The following FAM168B variants were observed in gnomAD, a reference collection of about 807,000 sequenced individuals.
FAM168B encodes the protein family with sequence similarity 168 member B.
In FAM168B, 19 loss-of-function variants were observed where a neutral mutation model predicts 21.8. The observed-to-expected ratio is 0.87, with a 90% CI of 0.61 to 1.28. FAM168B has a LOEUF of 1.28. Ranked by LOEUF, FAM168B falls within the 50% of genes most tolerant of loss-of-function variation. The pLI is 0.00. For missense variants in FAM168B, 233 were observed against 263.1 expected (o/e 0.89, Z 0.79); for synonymous variants, 126 against 104.8 (o/e 1.20, Z -1.24).
chr2:131,080,678 T>A (rs1451010119), intron 2 of FAM168B, among the ~76,000 whole-genome samples: 1 of 146,884 alleles, frequency 6.8e-6, no homozygotes, highest in Non-Finnish European at 1.5e-5. Context: ...AGTAAAAGAA[T>A]TTTTTTTTTG....
At chr2:131,092,880 T>C (rs1694105217) in intron 1 of FAM168B, among the ~76,000 whole-genome samples, 3 of 152,152 alleles carry the variant, frequency 2.0e-5, no homozygotes, top group Non-Finnish European at 4.4e-5. Flanking sequence ...GAAATGACTA[T>C]TGTCACAAAG....
rs1691630646 is a variant in FAM168B at position 131,050,929 on chromosome 2, AC to A, written c.*1535del. 2 of 984,936 alleles carry A rather than the reference AC, an allele frequency of 2.0e-6. No homozygotes were observed. The highest frequency in any genetic ancestry group is 2.4e-6 in the Non-Finnish European group (2 of 829,998). 61.0% of individuals were successfully genotyped at this position (984,936 alleles called of 1,614,324 possible). ...CCCAGGCCTTACATCCCCCACCCCC[AC>A]TCTGACCCTCACTGAGAACCGACAT... On this transcript the variant is annotated 3_prime_UTR_variant, in exon 7 of 7. Coordinates refer to ENST00000389915, the MANE Select transcript of FAM168B (RefSeq NM_001009993.4).
intron 1 of FAM168B, among the ~76,000 whole-genome samples, chr2:131,085,872 A>C (rs1676991817): frequency 6.6e-6 from 1 of 152,236 alleles, no homozygotes; most frequent in Non-Finnish European, 1.5e-5. Flanking sequence ...GCCGCCTGCC[A>C]AGAGTGCTGA....
intron 2 of FAM168B, among the ~76,000 whole-genome samples, chr2:131,077,316 A>C (rs1262349426): frequency 6.6e-6 from 1 of 152,156 alleles, no homozygotes; most frequent in African/African-American, 2.4e-5. Flanking sequence ...TCTTTTCCAG[A>C]AAGAACCTAC....
intron 2 of FAM168B, among the ~76,000 whole-genome samples, chr2:131,082,052 G>A (rs1302759044): frequency 4.6e-5 from 7 of 152,026 alleles, no homozygotes; most frequent in Non-Finnish European, 8.8e-5. Context: ...TATCCATTTC[G>A]CTGCAACCCT....
intron 5 of FAM168B, among the ~76,000 whole-genome samples, chr2:131,053,987 T>G (rs1265519163): frequency 1.3e-5 from 2 of 152,138 alleles, no homozygotes; most frequent in African/African-American, 2.4e-5. Flanking sequence ...GTGGATCACC[T>G]GAGGTCAGGA....
At chr2:131,061,955 T>C (rs1449454704) in intron 3 of FAM168B, among the ~76,000 whole-genome samples, 2 of 152,148 alleles carry the variant, frequency 1.3e-5, no homozygotes, top group African/African-American at 2.4e-5. Flanking sequence ...ATGTTCAATA[T>C]ATACAGCCAA....
At chr2:131,069,291 C>T (rs750244288) in intron 3 of FAM168B, among the ~76,000 whole-genome samples, 2 of 152,200 alleles carry the variant, frequency 1.3e-5, no homozygotes, top group Admixed American at 1.3e-4. Context: ...GAGTAACTTA[C>T]GTTATGGTGG....
chr2:131,053,945 T>C (rs1158035042), intron 5 of FAM168B, among the ~76,000 whole-genome samples: 1 of 152,144 alleles, frequency 6.6e-6, no homozygotes, highest in African/African-American at 2.4e-5. Flanking sequence ...GACTCACGCC[T>C]GTAAGCCCAG....
Position 131,049,368 on chromosome 2 carries a change from T to C in FAM168B, c.*3097A>G. 1 of 985,156 alleles carries C rather than the reference T, an allele frequency of 1.0e-6. No individual in the cohort carries two copies. The highest frequency in any genetic ancestry group is 4.7e-5 in the South Asian group (1 of 21,250). 61.0% of individuals were successfully genotyped at this position (985,156 alleles called of 1,614,324 possible). On this transcript the variant is annotated 3_prime_UTR_variant, in exon 7 of 7. Transcript: ENST00000389915. Reference sequence around the variant, plus strand: ...CACATTTGCATAGCACTCAAGAAGGTTTCCCAGAATAGCGACAGGTAGGCC... The same window carrying C: ...CACATTTGCATAGCACTCAAGAAGGCTTCCCAGAATAGCGACAGGTAGGCC...
rs561297863 is a variant in FAM168B at position 131,066,205 on chromosome 2, G to A, written c.154+5650C>T. On this transcript the variant is annotated intron_variant, in intron 3 of 6. Transcript: ENST00000389915. ...AGACTGAGTGGAGTCTCGCTCTGTC[G>A]CCCAGGCTGGAGTGCAGTGGTGCGA... Among the ~76,000 whole-genome samples the A allele has an allele frequency of 3.0e-3, 425 of 143,116 alleles. 2 individuals carry two copies. Among genetic ancestry groups the A allele is most frequent in the African/African-American group, 0.011 (413 of 37,880 alleles). The allele number at this position is 143,116 out of a possible 152,430, so 93.9% of individuals were successfully genotyped here.
Position 131,049,199 on chromosome 2 carries a change from A to C in FAM168B, c.*3266T>G. On this transcript the variant is annotated 3_prime_UTR_variant, in exon 7 of 7. Transcript: ENST00000389915. ...CTGTTGTGTCCCCCAAGACACATGC[A>C]AATTATTTCCTAGACCTCATTCATC... 1 of 985,418 alleles carries C rather than the reference A, an allele frequency of 1.0e-6. No individual in the cohort carries two copies. The highest frequency in any genetic ancestry group is 4.7e-5 in the South Asian group (1 of 21,286). 61.0% of individuals were successfully genotyped at this position (985,418 alleles called of 1,614,324 possible).
intron 2 of FAM168B, among the ~76,000 whole-genome samples, chr2:131,074,022 G>C (rs1693009963): frequency 6.6e-6 from 1 of 152,194 alleles, no homozygotes; most frequent in South Asian, 2.1e-4. Context: ...CCAACAGAGG[G>C]GGCCTCAGGC....
chr2:131,092,622 T>G (rs1221477585), intron 1 of FAM168B, among the ~76,000 whole-genome samples: 1 of 152,192 alleles, frequency 6.6e-6, no homozygotes, highest in Non-Finnish European at 1.5e-5. Context: ...GCACACTTCA[T>G]GTTCACATAC....
chr2:131,085,880 T>G (rs1368626383), intron 1 of FAM168B, among the ~76,000 whole-genome samples: 1 of 152,242 alleles, frequency 6.6e-6, no homozygotes, highest in African/African-American at 2.4e-5. Context: ...CCAAGAGTGC[T>G]GAGCATCTGA....
intron 3 of FAM168B, among the ~76,000 whole-genome samples, chr2:131,065,857 T>C (rs1208724791): frequency 6.8e-6 from 1 of 147,722 alleles, no homozygotes; most frequent in Non-Finnish European, 1.5e-5. Context: ...TTTTCACTTA[T>C]CATTAAATAT....
intron 3 of FAM168B, among the ~76,000 whole-genome samples, chr2:131,067,988 G>A (rs182177690): frequency 1.3e-5 from 2 of 152,178 alleles, no homozygotes; most frequent in East Asian, 3.9e-4. Context: ...GAAAAAGGCT[G>A]TAACTGTACC....
At chr2:131,067,425 G>A (rs1450737685) in intron 3 of FAM168B, among the ~76,000 whole-genome samples, 2 of 152,190 alleles carry the variant, frequency 1.3e-5, no homozygotes, top group African/African-American at 4.8e-5. Context: ...AGCATTGGGT[G>A]CAAACTGAAC....
In FAM168B at chr2:131,051,398, A is replaced by G. The variant is rs939959288; in HGVS notation, c.*1067T>C. 5.1e-6 allele frequency: 5 copies of G among 985,142 alleles called. No individual in the cohort carries two copies. In the East Asian group the frequency reaches 4.5e-4, roughly 90 times the overall value. 61.0% of individuals were successfully genotyped at this position (985,142 alleles called of 1,614,324 possible). A position where few individuals can be genotyped will look rare whatever the true frequency, so the allele number is the denominator to read the frequency against. On this transcript the variant is annotated 3_prime_UTR_variant, in exon 7 of 7. Transcript: ENST00000389915. ...TCTTAAATATACCACTTTCTTCATAACATACAGCTGAAACCTTTGCCCTTC... is the reference window on the plus strand; with the variant it reads ...TCTTAAATATACCACTTTCTTCATAGCATACAGCTGAAACCTTTGCCCTTC...
Sources: gnomAD v4.1 joint callset for allele counts (sites outside exome capture counted in the v4.1 genomes callset) on GRCh38, gnomAD v4.1.1 for gene constraint, MANE v1.5 for transcripts, NCBI Gene and HGNC (gene_info 2026-07-23, HGNC 2026-07-21) for gene names.